ZFPM2: variants seen among roughly 807,000 people sequenced by gnomAD.
ZFPM2 encodes the protein zinc finger protein, FOG family member 2, also known as zinc finger protein ZFPM2.
In ZFPM2, 20 loss-of-function variants were observed where a neutral mutation model predicts 98.6. That is an observed-to-expected ratio of 0.20 (90% CI 0.14 to 0.29). The LOEUF is 0.29. Among genes scored for constraint, ZFPM2 ranks in the 10% least tolerant of loss-of-function variants. The probability of loss-of-function intolerance (pLI) is 1.00; values close to 1 mark genes in which losing one functional copy is unlikely to be tolerated. For synonymous variants in ZFPM2, 518 were observed against 502.7 expected (o/e 1.03, Z -0.41); for missense variants, 1,310 against 1,388.6 (o/e 0.94, Z 0.90).
At chr8:105,515,180 A>G (rs1813893989) in intron 3 of ZFPM2, among the ~76,000 whole-genome samples, 1 of 152,216 alleles carries the variant, frequency 6.6e-6, no homozygotes, top group Non-Finnish European at 1.5e-5. Context: ...TGCCAAATAT[A>G]ATTAACCATG....
At chr8:105,643,899 G>C (rs551536257) in intron 5 of ZFPM2, among the ~76,000 whole-genome samples, 1 of 152,278 alleles carries the variant, frequency 6.6e-6, no homozygotes, top group South Asian at 2.1e-4. Flanking sequence ...AGCCAAATCT[G>C]ACCCATGACC....
intron 4 of ZFPM2, among the ~76,000 whole-genome samples, chr8:105,627,755 A>C (rs2130828419): frequency 6.6e-6 from 1 of 152,264 alleles, no homozygotes; most frequent in East Asian, 1.9e-4. Context: ...ATAATGGTGA[A>C]TTGGCCATTG....
At chr8:105,791,255 G>C (rs1262998009) in intron 6 of ZFPM2, among the ~76,000 whole-genome samples, 3 of 151,954 alleles carry the variant, frequency 2.0e-5, no homozygotes, top group East Asian at 1.9e-4. Context: ...ATTATTTTGA[G>C]ATACGTCCCA....
chr8:105,323,186 C>T (rs1406604629), intron 1 of ZFPM2, among the ~76,000 whole-genome samples: 2 of 151,702 alleles, frequency 1.3e-5, no homozygotes, highest in African/African-American at 2.4e-5. Flanking sequence ...GGTTAATTAT[C>T]TACTGTGTTG....
intron 5 of ZFPM2, among the ~76,000 whole-genome samples, chr8:105,735,113 TTA>T (rs887762544): frequency 6.8e-6 from 1 of 147,574 alleles, no homozygotes; most frequent in Admixed American, 6.8e-5. Flanking sequence ...TATATATAAA[TTA>T]TATATATATA....
In ZFPM2 at chr8:105,802,938, T is replaced by C; in HGVS notation, c.2856T>C (p.Ile952=). 6.2e-7 allele frequency: 1 copy of C among 1,613,164 alleles called. No individual in the cohort carries two copies. The highest frequency in any genetic ancestry group is 8.5e-7 in the Non-Finnish European group (1 of 1,179,638). The change falls in exon 8 of 8, where the codon ATT becomes ATC. Residue 952 remains isoleucine (I), a synonymous_variant. Transcript: ENST00000407775. The part of the protein sequence containing the change: ...LKVFSEAAQL[I]ATKEENRHLF... ...TCTTTAGTGAAGCTGCTCAGCTCAT[T>C]GCTACAAAAGAAGAAAACAGACATT...
At chr8:105,717,464 C>T (rs934243428) in intron 5 of ZFPM2, among the ~76,000 whole-genome samples, 21 of 151,920 alleles carry the variant, frequency 1.4e-4, no homozygotes, top group Non-Finnish European at 4.4e-5. Flanking sequence ...TTCAATATCT[C>T]TGATTGGTTA....
intron 2 of ZFPM2, among the ~76,000 whole-genome samples, chr8:105,436,571 A>G (rs1486279300): frequency 6.6e-6 from 1 of 152,154 alleles, no homozygotes; most frequent in Non-Finnish European, 1.5e-5. Flanking sequence ...AAACATGATA[A>G]GGATAAAGCA....
intron 3 of ZFPM2, among the ~76,000 whole-genome samples, chr8:105,521,068 A>G (rs960658723): frequency 2.6e-5 from 4 of 151,912 alleles, no homozygotes; most frequent in African/African-American, 9.7e-5. Flanking sequence ...TAGACTGAAC[A>G]TATGTGCCCA....
At chr8:105,534,052 CT>C (rs1814375601) in intron 3 of ZFPM2, among the ~76,000 whole-genome samples, 1 of 46,944 alleles carries the variant, frequency 2.1e-5, no homozygotes, top group Admixed American at 2.1e-4. Flanking sequence ...CCCTTCCTCC[CT>C]TCCTCCCTCC....
intron 3 of ZFPM2, among the ~76,000 whole-genome samples, chr8:105,554,786 A>G (rs1814946963): frequency 6.6e-6 from 1 of 152,142 alleles, no homozygotes; most frequent in South Asian, 2.1e-4. Flanking sequence ...CATCAACTTA[A>G]TGGTGAATTC....
chr8:105,706,781 T>A (rs949172750), intron 5 of ZFPM2, among the ~76,000 whole-genome samples: 1 of 152,094 alleles, frequency 6.6e-6, no homozygotes, highest in Non-Finnish European at 1.5e-5. Flanking sequence ...GGTTTCACCA[T>A]GTTGGCCAGG....
intron 7 of ZFPM2, among the ~76,000 whole-genome samples, chr8:105,799,238 C>T (rs566946366): frequency 2.0e-5 from 3 of 152,188 alleles, no homozygotes; most frequent in Non-Finnish European, 4.4e-5. Context: ...AATCTCAATA[C>T]CCTTTGAATA....
intron 1 of ZFPM2, among the ~76,000 whole-genome samples, chr8:105,329,165 C>G (rs1161423100): frequency 2.6e-5 from 4 of 151,742 alleles, no homozygotes; most frequent in African/African-American, 9.7e-5. Flanking sequence ...GTCTGGCTTC[C>G]CCACCATCAC....
intron 5 of ZFPM2, among the ~76,000 whole-genome samples, chr8:105,765,606 C>T (rs1812838295): frequency 6.6e-6 from 1 of 151,816 alleles, no homozygotes; most frequent in South Asian, 2.1e-4. Context: ...GCATGCCCTT[C>T]TCTATGGAGG....
intron 5 of ZFPM2, among the ~76,000 whole-genome samples, chr8:105,646,772 G>A (rs1817056262): frequency 6.6e-6 from 1 of 152,054 alleles, no homozygotes; most frequent in South Asian, 2.1e-4. Context: ...GCATTCTGAA[G>A]GAGAGTGGGA....
At chr8:105,547,636 A>G (rs1814743105) in intron 3 of ZFPM2, among the ~76,000 whole-genome samples, 1 of 151,544 alleles carries the variant, frequency 6.6e-6, no homozygotes, top group Admixed American at 6.6e-5. Flanking sequence ...CAGTGACTGT[A>G]CAGAGGAAAT....
At chr8:105,392,166 A>T (rs1410914124) in intron 1 of ZFPM2, among the ~76,000 whole-genome samples, 1 of 152,166 alleles carries the variant, frequency 6.6e-6, no homozygotes, top group Non-Finnish European at 1.5e-5. Flanking sequence ...AATATTTTGA[A>T]GGGAATTTTT....
intron 3 of ZFPM2, among the ~76,000 whole-genome samples, chr8:105,541,046 T>G (rs1814565556): frequency 6.6e-6 from 1 of 152,132 alleles, no homozygotes; most frequent in Non-Finnish European, 1.5e-5. Context: ...ATTCGAATTT[T>G]TCTTTTCCGT....
Sources: gnomAD v4.1 joint callset for allele counts (sites outside exome capture counted in the v4.1 genomes callset) on GRCh38, gnomAD v4.1.1 for gene constraint, MANE v1.5 for transcripts, NCBI Gene and HGNC (gene_info 2026-07-23, HGNC 2026-07-21) for gene names.